The following CHRM3 variants were observed in gnomAD, a reference collection of about 807,000 sequenced individuals.
The protein encoded by CHRM3 is muscarinic acetylcholine receptor M3.
Under a neutral mutation model 41.8 loss-of-function variants are expected in CHRM3, and 11 were observed. The ratio of observed to expected loss-of-function variants is 0.26; its 90% CI spans 0.17 to 0.44. CHRM3 has a LOEUF of 0.44. CHRM3 is among the 20% of genes least tolerant of loss of function. The pLI is 1.00. For synonymous variants in CHRM3, 297 were observed against 301.4 expected, an observed-to-expected ratio of 0.99 and a Z score of 0.15; for missense variants, 571 against 745.4, an observed-to-expected ratio of 0.77 and a Z score of 2.72.
At chr1:239,464,336 T>C (rs971856607) in intron 1 of CHRM3, among the ~76,000 whole-genome samples, 1 of 151,604 alleles carries the variant, frequency 6.6e-6, no homozygotes, top group African/African-American at 2.4e-5. Context: ...AAATAGAATC[T>C]AAGAACATAT....
At chr1:239,407,440 A>AGAGAGAGC (rs1240463600) in intron 1 of CHRM3, among the ~76,000 whole-genome samples, 1 of 150,188 alleles carries the variant, frequency 6.7e-6, no homozygotes, top group Non-Finnish European at 1.5e-5. Context: ...AGAGAGAGAG[A>AGAGAGAGC]GCGCTAAATT....
At chr1:239,610,264 A>G (rs1335592800) in intron 3 of CHRM3, among the ~76,000 whole-genome samples, 16 of 151,372 alleles carry the variant, frequency 1.1e-4, no homozygotes, top group Non-Finnish European at 2.9e-5. Flanking sequence ...TTATCCCTAA[A>G]TTCATCCAAT....
chr1:239,817,584 C>T (rs572884302), intron 5 of CHRM3, among the ~76,000 whole-genome samples: 5 of 152,012 alleles, frequency 3.3e-5, no homozygotes, highest in East Asian at 1.9e-4. Flanking sequence ...CTTCCTCTGC[C>T]TTTAGCCTCC....
chr1:239,525,099 A>G (rs906300680), intron 2 of CHRM3, among the ~76,000 whole-genome samples: 1 of 152,150 alleles, frequency 6.6e-6, no homozygotes, highest in Non-Finnish European at 1.5e-5. Context: ...ACAGTGGTTC[A>G]CACCTGTAAT....
chr1:239,443,995 CA>C (rs922908776), intron 1 of CHRM3, among the ~76,000 whole-genome samples: 1 of 152,038 alleles, frequency 6.6e-6, no homozygotes, highest in Non-Finnish European at 1.5e-5. Context: ...TAATGCTTAC[CA>C]AAAAAGTAGG....
intron 5 of CHRM3, among the ~76,000 whole-genome samples, chr1:239,700,224 T>C (rs1660560776): frequency 6.6e-6 from 1 of 152,230 alleles, no homozygotes; most frequent in East Asian, 1.9e-4. Context: ...CTGGGTGTGA[T>C]ATAATGTTAG....
intron 4 of CHRM3, among the ~76,000 whole-genome samples, chr1:239,648,229 T>A (rs922539764): frequency 6.6e-6 from 1 of 152,184 alleles, no homozygotes; most frequent in Admixed American, 6.5e-5. Flanking sequence ...TTACCTTTAA[T>A]AGTTTTCACT....
chr1:239,426,785 A>G (rs1374447136), intron 1 of CHRM3, among the ~76,000 whole-genome samples: 2 of 152,198 alleles, frequency 1.3e-5, no homozygotes, highest in African/African-American at 2.4e-5. Flanking sequence ...CAACATAATG[A>G]GCATGGATTC....
intron 4 of CHRM3, among the ~76,000 whole-genome samples, chr1:239,665,242 G>A (rs933311686): frequency 6.7e-5 from 10 of 150,220 alleles, no homozygotes; most frequent in Admixed American, 2.7e-4. Flanking sequence ...GACGTTGAGC[G>A]CCTGCTGTAT....
chr1:239,586,669 T>C (rs1052097212), intron 3 of CHRM3, among the ~76,000 whole-genome samples: 1 of 152,164 alleles, frequency 6.6e-6, no homozygotes, highest in East Asian at 1.9e-4. Flanking sequence ...ATATGTTGCA[T>C]GCTTTCTCCT....
intron 2 of CHRM3, among the ~76,000 whole-genome samples, chr1:239,526,772 C>G (rs1257458441): frequency 1.3e-5 from 2 of 152,166 alleles, no homozygotes; most frequent in Non-Finnish European, 2.9e-5. Flanking sequence ...TATCAGTAAC[C>G]ACATTAATAA....
chr1:239,730,095 A>G (rs1392040348), intron 5 of CHRM3, among the ~76,000 whole-genome samples: 1 of 151,994 alleles, frequency 6.6e-6, no homozygotes, highest in African/African-American at 2.4e-5. Flanking sequence ...ACTCCTATCA[A>G]TAAATGTTTA....
intron 2 of CHRM3, among the ~76,000 whole-genome samples, chr1:239,536,698 G>A (rs1025708791): frequency 3.3e-5 from 5 of 152,086 alleles, no homozygotes; most frequent in South Asian, 2.1e-4. Flanking sequence ...AACCCTGGTC[G>A]TAATGTTTTC....
intron 2 of CHRM3, among the ~76,000 whole-genome samples, chr1:239,522,335 CA>C (rs1335245162): frequency 1.3e-5 from 2 of 152,186 alleles, no homozygotes; most frequent in African/African-American, 4.8e-5. Context: ...CAGCCGTCAC[CA>C]ACTTGCCAGC....
intron 5 of CHRM3, among the ~76,000 whole-genome samples, chr1:239,681,266 A>G (rs73109182): frequency 1.3e-5 from 2 of 152,188 alleles, no homozygotes. Flanking sequence ...TCTTATGCCC[A>G]TGGTTACATT....
chr1:239,395,588 G>T (rs537100222), intron 1 of CHRM3, among the ~76,000 whole-genome samples: 2 of 152,070 alleles, frequency 1.3e-5, no homozygotes, highest in Non-Finnish European at 2.9e-5. Flanking sequence ...CAACTTAAAT[G>T]TGCATTCAGA....
chr1:239,908,956 T>A lies in CHRM3; in HGVS notation c.1505T>A (p.Ile502Asn). The part of the protein sequence containing the change: ...TLSAILLAFI[I>N]TWTPYNIMVL... ...AGTGCGATCTTGCTTGCCTTCATCA[T>A]CACTTGGACCCCATACAACATCATG... Residue 502 changes from isoleucine to asparagine, a missense_variant, in exon 7 of 7, where the codon ATC (isoleucine) becomes AAC (asparagine). Around this residue, in one of 5 missense-constraint regions of CHRM3, gnomAD observed 43 missense variants for 93.7 expected, o/e 0.46. Coordinates refer to ENST00000676153, the MANE Select transcript of CHRM3 (RefSeq NM_001375978.1). This position sits in a 1 kb window ranked among gnomAD's most constrained non-coding sequence, Gnocchi z 7.2. 1 of 1,614,120 alleles carries A rather than the reference T, an allele frequency of 6.2e-7. No individual in the cohort carries two copies. The highest frequency in any genetic ancestry group is 8.5e-7 in the Non-Finnish European group (1 of 1,180,038).
At chr1:239,610,691 A>C (rs1157837878) in intron 3 of CHRM3, among the ~76,000 whole-genome samples, 6 of 152,196 alleles carry the variant, frequency 3.9e-5, no homozygotes, top group Non-Finnish European at 8.8e-5. Flanking sequence ...AGTAGAGTTC[A>C]CATCAAGCCT....
chr1:239,459,278 AC>A lies in CHRM3; in HGVS notation c.-520-33430del, dbSNP rs1349224789. The stretch of plus-strand genomic sequence containing the variant: ...GTCATAATTAAAGCCAAGAAAAAAA[AC>A]ATGTAAAAATCATTTATATTCGTTT... On this transcript the variant is annotated intron_variant, in intron 1 of 6. Coordinates refer to ENST00000676153, the MANE Select transcript of CHRM3 (RefSeq NM_001375978.1). Among the ~76,000 whole-genome samples the A allele has an allele frequency of 3.3e-5, 5 of 152,302 alleles. No individual in the cohort carries two copies. In the South Asian group the frequency reaches 8.3e-4, roughly 25 times the overall value.
Sources: allele counts gnomAD v4.1 joint callset (sites outside exome capture counted in the v4.1 genomes callset), GRCh38; gene constraint gnomAD v4.1.1; regional missense constraint gnomAD v4.1.1; non-coding constraint Gnocchi (gnomAD v3.1); transcripts MANE v1.5; gene names NCBI Gene and HGNC (gene_info 2026-07-23, HGNC 2026-07-21).